TYW1B: variants seen among roughly 807,000 people sequenced by gnomAD.
TYW1B encodes the protein S-adenosyl-L-methionine-dependent tRNA 4-demethylwyosine synthase TYW1B.
In TYW1B, 73 loss-of-function variants were observed where a neutral mutation model predicts 86.9. The ratio of observed to expected loss-of-function variants is 0.84; its 90% CI spans 0.70 to 1.02. The LOEUF is 1.02. Ranked by LOEUF, TYW1B falls within the 50% of genes least tolerant of loss-of-function variation. The pLI, the probability that TYW1B is intolerant of heterozygous loss-of-function variation, is 0.00. For synonymous variants in TYW1B, 248 were observed against 292.8 expected (o/e 0.85, Z 1.56); for missense variants, 637 against 827.4 (o/e 0.77, Z 2.82).
intron 11 of TYW1B, among the ~76,000 whole-genome samples, chr7:72,630,044 C>T (rs1269956505): frequency 6.6e-6 from 1 of 152,000 alleles, no homozygotes; most frequent in African/African-American, 2.4e-5. Context: ...TTTGGGAGGC[C>T]GAGGCAGGGG....
intron 11 of TYW1B, among the ~76,000 whole-genome samples, chr7:72,682,734 T>C (rs1436431753): frequency 3.3e-5 from 5 of 152,162 alleles, no homozygotes; most frequent in East Asian, 1.9e-4. Flanking sequence ...GTCCCCATAA[T>C]TGGAGGGAAA....
chr7:72,707,101 C>T (rs536577267), intron 10 of TYW1B, among the ~76,000 whole-genome samples: 1 of 152,204 alleles, frequency 6.6e-6, no homozygotes, highest in Non-Finnish European at 1.5e-5. Flanking sequence ...CTCCTCCTGT[C>T]CCAGTACCCA....
At chr7:72,745,830 T>G (rs1787383124) in intron 7 of TYW1B, among the ~76,000 whole-genome samples, 1 of 146,758 alleles carries the variant, frequency 6.8e-6, no homozygotes. Context: ...CACGAATGAG[T>G]AGCCTTTACA....
At chr7:72,784,977 T>C (rs1788103528) in intron 6 of TYW1B, among the ~76,000 whole-genome samples, 1 of 151,770 alleles carries the variant, frequency 6.6e-6, no homozygotes, top group African/African-American at 2.4e-5. Flanking sequence ...ATGTCACAGC[T>C]CCAAATATCC....
At chr7:72,654,215 CT>C (rs1813145015) in intron 11 of TYW1B, among the ~76,000 whole-genome samples, 2 of 152,130 alleles carry the variant, frequency 1.3e-5, no homozygotes, top group Non-Finnish European at 2.9e-5. Context: ...TACTTTCCCC[CT>C]AAAACATAAG....
chr7:72,624,158 A>T (rs1188895631), intron 12 of TYW1B, among the ~76,000 whole-genome samples: 1 of 152,172 alleles, frequency 6.6e-6, no homozygotes, highest in East Asian at 1.9e-4. Flanking sequence ...ATAAGACAAC[A>T]ATGACAAAAA....
intron 13 of TYW1B, among the ~76,000 whole-genome samples, chr7:72,585,044 A>AAGT (rs1811243459): frequency 6.6e-6 from 1 of 152,226 alleles, no homozygotes; most frequent in Non-Finnish European, 1.5e-5. Context: ...TACATGAACT[A>AAGT]GTTCCTAACA....
chr7:72,740,916 G>C (rs536012897), intron 8 of TYW1B, among the ~76,000 whole-genome samples: 1 of 151,916 alleles, frequency 6.6e-6, no homozygotes, highest in South Asian at 2.1e-4. Flanking sequence ...ATTTTTAGTA[G>C]AGACAGGGTT....
chr7:72,806,338 C>T (rs1385582233), intron 5 of TYW1B, among the ~76,000 whole-genome samples: 33 of 150,478 alleles, frequency 2.2e-4, no homozygotes, highest in Non-Finnish European at 4.6e-4. Context: ...CGGGTTCAAG[C>T]GATTCTCATG....
intron 13 of TYW1B, among the ~76,000 whole-genome samples, chr7:72,576,754 C>T (rs1286907439): frequency 6.6e-5 from 10 of 151,970 alleles, no homozygotes; most frequent in African/African-American, 1.4e-4. Context: ...CCTCGTGATC[C>T]GCCGGCCTCG....
chr7:72,792,835 C>T (rs1554473777), intron 6 of TYW1B, among the ~76,000 whole-genome samples: 1 of 152,114 alleles, frequency 6.6e-6, no homozygotes, highest in African/African-American at 2.4e-5. Context: ...GAAAGAAAAG[C>T]AGTCTGTAGA....
intron 11 of TYW1B, among the ~76,000 whole-genome samples, chr7:72,688,046 C>T (rs1294497120): frequency 4.6e-5 from 7 of 151,974 alleles, no homozygotes; most frequent in Non-Finnish European, 1.0e-4. Context: ...TAATTAATAA[C>T]ATATATATAG....
At chr7:72,631,485 G>C (rs1458956720) in intron 11 of TYW1B, among the ~76,000 whole-genome samples, 3 of 152,128 alleles carry the variant, frequency 2.0e-5, no homozygotes, top group Non-Finnish European at 4.4e-5. Context: ...CTGCACTCCA[G>C]CCTGGGCAAC....
At chr7:72,583,686 G>T (rs1424097573) in intron 13 of TYW1B, among the ~76,000 whole-genome samples, 9 of 152,242 alleles carry the variant, frequency 5.9e-5, no homozygotes, top group African/African-American at 1.4e-4. Flanking sequence ...GCCAAAAAAT[G>T]TAGGGCAGAG....
intron 3 of TYW1B, among the ~76,000 whole-genome samples, chr7:72,813,186 T>G: frequency 6.7e-6 from 1 of 150,362 alleles, no homozygotes; most frequent in Non-Finnish European, 1.5e-5. Context: ...TTTTTTTTTT[T>G]TTTTTTGAGA....
intron 11 of TYW1B, among the ~76,000 whole-genome samples, chr7:72,644,988 C>T (rs1812892784): frequency 6.6e-6 from 1 of 151,914 alleles, no homozygotes; most frequent in Admixed American, 6.6e-5. Context: ...CCACCAGGCC[C>T]GGCTAATTTT....
intron 11 of TYW1B, among the ~76,000 whole-genome samples, chr7:72,639,865 CAAAA>C (rs34283765): frequency 1.8e-5 from 2 of 109,294 alleles, no homozygotes; most frequent in Admixed American, 9.3e-5. Flanking sequence ...GACTCCATCT[CAAAA>C]AAAAAAAAAA....
At chr7:72,746,658 T>C (rs1201789855) in intron 7 of TYW1B, among the ~76,000 whole-genome samples, 7 of 152,158 alleles carry the variant, frequency 4.6e-5, no homozygotes, top group African/African-American at 1.7e-4. Context: ...ACAGAACTAC[T>C]GTCCTTATAA....
chr7:72,664,075 T>G (rs1195403848), intron 11 of TYW1B, among the ~76,000 whole-genome samples: 10 of 151,748 alleles, frequency 6.6e-5, no homozygotes, highest in African/African-American at 1.9e-4. Flanking sequence ...CCAACAACCC[T>G]CCCCTCAAAG....
Sources: allele counts gnomAD v4.1 joint callset (sites outside exome capture counted in the v4.1 genomes callset), GRCh38; gene constraint gnomAD v4.1.1; transcripts MANE v1.5; gene names NCBI Gene and HGNC (gene_info 2026-07-23, HGNC 2026-07-21).